The following EEIG1 variants were observed in gnomAD, a reference collection of about 807,000 sequenced individuals.
EEIG1 encodes the protein early estrogen-induced gene 1 protein.
chr9:127,950,104 C>T, the EEIG1 span, among the ~76,000 whole-genome samples: 1 of 152,306 alleles, frequency 6.6e-6, no homozygotes, highest in South Asian at 2.1e-4. Flanking sequence ...TACCACAGCT[C>T]GTGGGGCTGC....
chr9:127,966,603 A>G, the EEIG1 span, among the ~76,000 whole-genome samples: 1 of 152,244 alleles, frequency 6.6e-6, no homozygotes, highest in African/African-American at 2.4e-5. Flanking sequence ...CATTCTCCAG[A>G]TGCAAATGAT....
chr9:127,959,073 C>G, the EEIG1 span, among the ~76,000 whole-genome samples: 29 of 152,212 alleles, frequency 1.9e-4, no homozygotes, highest in African/African-American at 5.3e-4. Context: ...AATGGTGCAG[C>G]CCCTTTGGAA....
the EEIG1 span, among the ~76,000 whole-genome samples, chr9:127,957,112 C>T: frequency 1.3e-5 from 2 of 152,208 alleles, no homozygotes; most frequent in African/African-American, 4.8e-5. Context: ...AGCTATAGTT[C>T]CAGCTACTCA....
the EEIG1 span, among the ~76,000 whole-genome samples, chr9:127,961,286 CATGCATGG>C: frequency 3.9e-5 from 1 of 25,706 alleles, no homozygotes; most frequent in Non-Finnish European, 2.8e-4. Flanking sequence ...AGGCAGGTGG[CATGCATGG>C]GGCATGATCC....
the EEIG1 span, among the ~76,000 whole-genome samples, chr9:127,977,662 G>C: frequency 1.2e-4 from 19 of 152,218 alleles, no homozygotes; most frequent in African/African-American, 4.6e-4. Flanking sequence ...ATAACACACA[G>C]ATTATCTGTA....
the EEIG1 span, among the ~76,000 whole-genome samples, chr9:127,951,611 C>T: frequency 1.3e-5 from 2 of 151,894 alleles, no homozygotes; most frequent in African/African-American, 2.4e-5. Context: ...GTCAGGAGAT[C>T]GAGACCATCC....
chr9:127,951,743 G>A, the EEIG1 span, among the ~76,000 whole-genome samples: 3 of 151,386 alleles, frequency 2.0e-5, no homozygotes. Flanking sequence ...CGTGAACCCG[G>A]GAGGCGGAGC....
the EEIG1 span, among the ~76,000 whole-genome samples, chr9:127,979,802 T>A: frequency 1.3e-5 from 2 of 152,218 alleles, no homozygotes; most frequent in Non-Finnish European, 2.9e-5. Flanking sequence ...CCCCAGGTAT[T>A]TGGCTGGCGG....
the EEIG1 span, among the ~76,000 whole-genome samples, chr9:127,956,517 T>C: frequency 6.6e-6 from 1 of 152,064 alleles, no homozygotes; most frequent in East Asian, 1.9e-4. Flanking sequence ...TTCAAGCAAT[T>C]CTCCTGCCTC....
the EEIG1 span, chr9:127,940,701 C>T: frequency 2.6e-5 from 4 of 151,904 alleles, no homozygotes; most frequent in South Asian, 4.2e-4. Flanking sequence ...CAAACACAGC[C>T]CACTCAAGCA....
chr9:127,976,868 C>T, the EEIG1 span, among the ~76,000 whole-genome samples: 1 of 152,222 alleles, frequency 6.6e-6, no homozygotes, highest in Non-Finnish European at 1.5e-5. The surrounding 1 kb of genome is among the most constrained non-coding windows in gnomAD (Gnocchi z 4.1). Context: ...GGGAAATATG[C>T]TATTGATCTG....
chr9:127,975,739 G>A, the EEIG1 span, among the ~76,000 whole-genome samples: 2 of 152,068 alleles, frequency 1.3e-5, no homozygotes, highest in African/African-American at 4.8e-5. Context: ...GGCACCACCA[G>A]CCACGTGCAT....
chr9:127,963,032 C>T, the EEIG1 span, among the ~76,000 whole-genome samples: 3 of 152,194 alleles, frequency 2.0e-5, no homozygotes, highest in African/African-American at 7.2e-5. Context: ...CTTCAGGCTC[C>T]CTGGCCAAGC....
chr9:127,952,477 T>C, the EEIG1 span, among the ~76,000 whole-genome samples: 355 of 152,356 alleles, frequency 2.3e-3, no homozygotes, highest in African/African-American at 8.2e-3. Context: ...AAGCCAGAGC[T>C]GTCTTCTCCC....
At chr9:127,948,153 A>G in the EEIG1 span, 1 of 1,613,968 alleles carries the variant, frequency 6.2e-7, no homozygotes, top group East Asian at 2.2e-5. Flanking sequence ...TGCTGGTCCC[A>G]CCACCCTTAC....
chr9:127,980,088 G>A, the EEIG1 span: 1 of 1,613,810 alleles, frequency 6.2e-7, no homozygotes, highest in Admixed American at 1.7e-5. Context: ...CTCCTCCAGG[G>A]TGAAAGTAGT....
the EEIG1 span, among the ~76,000 whole-genome samples, chr9:127,964,741 G>A: frequency 6.6e-6 from 1 of 152,172 alleles, no homozygotes; most frequent in African/African-American, 2.4e-5. Flanking sequence ...GCCCTGCGGG[G>A]GCAGGTGCTC....
the EEIG1 span, chr9:127,943,500 G>C: frequency 1.9e-6 from 1 of 520,074 alleles, no homozygotes. Flanking sequence ...CCTCGGCAGG[G>C]AGTCACTGCA....
the EEIG1 span, among the ~76,000 whole-genome samples, chr9:127,977,660 C>A: frequency 6.6e-6 from 1 of 152,224 alleles, no homozygotes. Flanking sequence ...ACATAACACA[C>A]AGATTATCTG....
Sources: gnomAD v4.1 joint callset for allele counts (sites outside exome capture counted in the v4.1 genomes callset) on GRCh38, gnomAD v4.1.1 for gene constraint, Gnocchi (gnomAD v3.1) non-coding constraint, MANE v1.5 for transcripts, NCBI Gene and HGNC (gene_info 2026-07-23, HGNC 2026-07-21) for gene names.